Variants in VWC2 observed in about 807,000 individuals in gnomAD.
VWC2 encodes brorin.
A neutral mutation model predicts 29.8 loss-of-function variants in VWC2; 14 were observed. The observed-to-expected ratio is 0.47, with a 90% CI of 0.31 to 0.74. VWC2 has a LOEUF of 0.74. Among genes scored for constraint, VWC2 ranks in the 30% least tolerant of loss-of-function variants. The pLI is 0.05. For missense variants in VWC2, 457 were observed against 459.8 expected (o/e 0.99, Z 0.05); for synonymous variants, 213 against 199.0 (o/e 1.07, Z -0.59).
intron 3 of VWC2, among the ~76,000 whole-genome samples, chr7:49,839,981 C>T (rs1307643278): frequency 6.6e-6 from 1 of 152,188 alleles, no homozygotes; most frequent in Non-Finnish European, 1.5e-5. Context: ...GGCGAGGGCC[C>T]AGGCAGTAAG....
intron 3 of VWC2, among the ~76,000 whole-genome samples, chr7:49,908,816 T>A (rs1176586652): frequency 6.6e-6 from 1 of 152,162 alleles, no homozygotes; most frequent in Non-Finnish European, 1.5e-5. Flanking sequence ...AGTCCAGATC[T>A]CCCATTAGCC....
At chr7:49,911,480 C>CAAAAA (rs34782644) in intron 3 of VWC2, among the ~76,000 whole-genome samples, 2 of 71,610 alleles carry the variant, frequency 2.8e-5, no homozygotes, top group Admixed American at 1.8e-4. Flanking sequence ...GACTCTGTCT[C>CAAAAA]AAAAAAAAAA....
Position 49,802,708 on chromosome 7 carries a change from C to T in VWC2, c.697-3C>T. 1 of 1,614,154 alleles carries T rather than the reference C, an allele frequency of 6.2e-7. No individual in the cohort carries two copies. The highest frequency in any genetic ancestry group is 8.5e-7 in the Non-Finnish European group (1 of 1,180,010). On this transcript the variant is annotated splice_polypyrimidine_tract_variant and splice_region_variant and intron_variant, in intron 2 of 3. Transcript: ENST00000340652. ...AAGTGCTGATTGTGGGCTTGTGTTT[C>T]AGGTGTCTCCATGCGAGAGGTGTCG...
intron 3 of VWC2, among the ~76,000 whole-genome samples, chr7:49,899,884 T>C (rs1254574357): frequency 6.6e-6 from 1 of 151,910 alleles, no homozygotes; most frequent in Non-Finnish European, 1.5e-5. Flanking sequence ...ATTCTCAAGA[T>C]GATATGGAAC....
chr7:49,780,238 G>A (rs995406374), intron 2 of VWC2, among the ~76,000 whole-genome samples: 22 of 152,156 alleles, frequency 1.4e-4, no homozygotes, highest in African/African-American at 5.3e-4. Flanking sequence ...TTCTGATTCT[G>A]TGTCTATTGC....
At chr7:49,877,787 T>C (rs1267820014) in intron 3 of VWC2, among the ~76,000 whole-genome samples, 1 of 151,488 alleles carries the variant, frequency 6.6e-6, no homozygotes, top group Non-Finnish European at 1.5e-5. Context: ...ATTATTGTTG[T>C]CATTATTATT....
chr7:49,852,556 T>C (rs1318001862), intron 3 of VWC2, among the ~76,000 whole-genome samples: 1 of 152,140 alleles, frequency 6.6e-6, no homozygotes, highest in Non-Finnish European at 1.5e-5. Flanking sequence ...TACCTGGGGA[T>C]AATGCTATTT....
At chr7:49,842,687 A>G (rs964319047) in intron 3 of VWC2, among the ~76,000 whole-genome samples, 1 of 152,238 alleles carries the variant, frequency 6.6e-6, no homozygotes, top group African/African-American at 2.4e-5. Context: ...ATGGGAGATA[A>G]TGCAATAATT....
At chr7:49,831,984 C>T (rs950407499) in intron 3 of VWC2, among the ~76,000 whole-genome samples, 1 of 152,022 alleles carries the variant, frequency 6.6e-6, no homozygotes, top group African/African-American at 2.4e-5. Context: ...TAATATTTTC[C>T]CTGAGGCCAG....
Position 49,914,266 on chromosome 7 carries a change from C to T in VWC2, c.*2081C>T, listed in dbSNP as rs575357176. 2 of 152,340 alleles carry T rather than the reference C, an allele frequency of 1.3e-5. No individual in the cohort carries two copies. Among genetic ancestry groups the T allele is most frequent in the South Asian group, 4.1e-4 (2 of 4,832 alleles). 9.4% of individuals were successfully genotyped at this position (152,340 alleles called of 1,614,324 possible). A position where few individuals can be genotyped will look rare whatever the true frequency, so the allele number is the denominator to read the frequency against. ...CTTCCTGTTTCCCTTAATAATAATT[C>T]CTACCAGAATGGATGATGAGCTCTG... is the stretch of plus-strand genomic sequence containing the variant. On this transcript the variant is annotated 3_prime_UTR_variant, in exon 4 of 4. Transcript: ENST00000340652.
At chr7:49,885,094 A>G (rs2128728413) in intron 3 of VWC2, among the ~76,000 whole-genome samples, 1 of 152,272 alleles carries the variant, frequency 6.6e-6, no homozygotes, top group East Asian at 1.9e-4. Flanking sequence ...AATCTCAATT[A>G]TATGGATTAT....
chr7:49,900,337 T>C (rs998936654), intron 3 of VWC2, among the ~76,000 whole-genome samples: 1 of 151,710 alleles, frequency 6.6e-6, no homozygotes, highest in African/African-American at 2.4e-5. Flanking sequence ...TCTATTAATT[T>C]AAAACAGGAA....
At chr7:49,871,441 A>G (rs1366698129) in intron 3 of VWC2, among the ~76,000 whole-genome samples, 1 of 152,244 alleles carries the variant, frequency 6.6e-6, no homozygotes, top group African/African-American at 2.4e-5. Flanking sequence ...AGAATAAAAT[A>G]TACTGTATAC....
At chr7:49,826,171 C>A (rs1761245943) in intron 3 of VWC2, among the ~76,000 whole-genome samples, 2 of 152,132 alleles carry the variant, frequency 1.3e-5, no homozygotes, top group African/African-American at 4.8e-5. Flanking sequence ...TTCTACCTTC[C>A]AATAATTATT....
chr7:49,805,549 G>GGGT (rs1788858416), intron 3 of VWC2, among the ~76,000 whole-genome samples: 1 of 152,126 alleles, frequency 6.6e-6, no homozygotes, highest in Non-Finnish European at 1.5e-5. Flanking sequence ...AGGGAAAATG[G>GGGT]GGTTTGAAAT....
At chr7:49,813,405 G>C (rs2128707844) in intron 3 of VWC2, among the ~76,000 whole-genome samples, 1 of 152,352 alleles carries the variant, frequency 6.6e-6, no homozygotes, top group Non-Finnish European at 1.5e-5. Context: ...CTTGGCTGGG[G>C]CCTGAGAATT....
chr7:49,896,090 C>T (rs1403419828), intron 3 of VWC2, among the ~76,000 whole-genome samples: 2 of 152,054 alleles, frequency 1.3e-5, no homozygotes, highest in African/African-American at 4.8e-5. Context: ...CCTGTAATAC[C>T]AGCACTTTGG....
At chr7:49,776,216 G>C (rs1007217920) in intron 2 of VWC2, 85 bp downstream of exon 2, 3 of 1,202,400 alleles carry the variant, frequency 2.5e-6, no homozygotes, top group Admixed American at 2.7e-5. Context: ...CCACTTTGAA[G>C]AAGAGGTGCT....
intron 2 of VWC2, among the ~76,000 whole-genome samples, chr7:49,783,733 T>G (rs1366563456): frequency 1.3e-5 from 2 of 152,100 alleles, no homozygotes; most frequent in Non-Finnish European, 2.9e-5. Flanking sequence ...CTTAGGCCTG[T>G]GGAAAAGCAT....
Sources: gnomAD v4.1 joint callset for allele counts (sites outside exome capture counted in the v4.1 genomes callset) on GRCh38, gnomAD v4.1.1 for gene constraint, MANE v1.5 for transcripts, NCBI Gene and HGNC (gene_info 2026-07-23, HGNC 2026-07-21) for gene names.